Variants in PCSK5 observed in about 807,000 individuals in gnomAD.
PCSK5 encodes the protein proprotein convertase subtilisin/kexin type 5, also known as prohormone convertase 5.
Under a neutral mutation model 233.2 loss-of-function variants are expected in PCSK5, and 129 were observed. That is an observed-to-expected ratio of 0.55 (90% CI 0.48 to 0.64). The LOEUF (loss-of-function observed/expected upper bound fraction) is 0.64, where lower values mean the gene tolerates loss of function less well. PCSK5 is among the 30% of genes least tolerant of loss of function. The pLI is 0.00. For synonymous variants in PCSK5, 825 were observed against 879.2 expected, an observed-to-expected ratio of 0.94 and a Z score of 1.09; for missense variants, 2,076 against 2,430.1, an observed-to-expected ratio of 0.85 and a Z score of 3.06.
intron 35 of PCSK5, among the ~76,000 whole-genome samples, chr9:76,343,142 C>G (rs1185519568): frequency 2.0e-5 from 3 of 149,792 alleles, no homozygotes; most frequent in Non-Finnish European, 3.0e-5. Context: ...TAAAAAACAA[C>G]TCTCTACTGA....
At chr9:76,280,052 TCTCTACCA>T (rs765110180) in intron 24 of PCSK5, among the ~76,000 whole-genome samples, 18 of 152,192 alleles carry the variant, frequency 1.2e-4, no homozygotes, top group Non-Finnish European at 1.9e-4. Context: ...CACAAGCCTG[TCTCTACCA>T]CTCCTCCAAT....
intron 2 of PCSK5, among the ~76,000 whole-genome samples, chr9:75,973,463 A>G (rs1269389394): frequency 6.6e-6 from 1 of 151,866 alleles, no homozygotes; most frequent in Admixed American, 6.6e-5. Flanking sequence ...TTCTTTGACT[A>G]AAAGAGCAGT....
chr9:76,329,819 C>T (rs1829474928), intron 33 of PCSK5, among the ~76,000 whole-genome samples: 2 of 151,950 alleles, frequency 1.3e-5, no homozygotes, highest in African/African-American at 4.8e-5. Flanking sequence ...GGCAACAGAG[C>T]AAGACTCTAT....
chr9:75,958,053 G>A (rs866347713), intron 2 of PCSK5, among the ~76,000 whole-genome samples: 8 of 152,258 alleles, frequency 5.3e-5, no homozygotes, highest in Non-Finnish European at 7.4e-5. Context: ...TGTTCCAGGC[G>A]GTTATTCATT....
chr9:76,229,299 G>A (rs944384644), intron 21 of PCSK5, among the ~76,000 whole-genome samples: 6 of 152,170 alleles, frequency 3.9e-5, no homozygotes, highest in African/African-American at 1.2e-4. Flanking sequence ...TGAACTAGGG[G>A]AATATTTTAA....
chr9:76,044,126 T>C (rs915005404), intron 5 of PCSK5, among the ~76,000 whole-genome samples: 8 of 152,192 alleles, frequency 5.3e-5, no homozygotes, highest in African/African-American at 1.9e-4. Context: ...TTAAGCCTCT[T>C]AAATAGCATA....
chr9:76,111,629 G>T (rs1587642410), intron 9 of PCSK5, among the ~76,000 whole-genome samples: 2 of 151,952 alleles, frequency 1.3e-5, no homozygotes, highest in African/African-American at 2.4e-5. Flanking sequence ...TAAATGAATA[G>T]GGAACATGTA....
intron 20 of PCSK5, chr9:76,194,730 T>A (rs34619779): frequency 2.2e-6 from 1 of 463,496 alleles, no homozygotes; most frequent in Non-Finnish European, 4.5e-6. Context: ...ATCTTATAGA[T>A]CTTTTGACAG....
chr9:76,094,643 G>A (rs1388200321), intron 7 of PCSK5, among the ~76,000 whole-genome samples: 2 of 151,678 alleles, frequency 1.3e-5, no homozygotes, highest in Non-Finnish European at 2.9e-5. Context: ...TCACTCTGTC[G>A]CCCAGCTGGA....
intron 6 of PCSK5, among the ~76,000 whole-genome samples, chr9:76,068,931 A>G (rs1830383839): frequency 6.6e-6 from 1 of 152,196 alleles, no homozygotes; most frequent in Non-Finnish European, 1.5e-5. Context: ...GAACTAAAAA[A>G]TAAAAATGAC....
intron 33 of PCSK5, among the ~76,000 whole-genome samples, chr9:76,331,116 T>C (rs536842952): frequency 1.3e-5 from 2 of 152,232 alleles, no homozygotes; most frequent in South Asian, 4.1e-4. Context: ...TATCCTCACA[T>C]TCTCTCTACC....
Position 75,986,221 on chromosome 9 carries a change from C to T in PCSK5, c.387C>T (p.Pro129=), listed in dbSNP as rs758495716. 2 of 1,610,114 alleles carry T rather than the reference C, an allele frequency of 1.2e-6. No individual in the cohort carries two copies. Among genetic ancestry groups the T allele is most frequent in the Non-Finnish European group, 1.7e-6 (2 of 1,176,336 alleles). ...CCCAGTCTACCTATTTCAATGATCC[C>T]AAGTGGCCCAGCATGTGGTATATGG... The part of the protein sequence containing the change: ...SRAQSTYFND[P]KWPSMWYMHC... Residue 129 remains proline, a synonymous_variant, in exon 3 of 38, where the codon CCC becomes CCT. Transcript: ENST00000674117.
chr9:76,296,855 A>C lies in PCSK5; in HGVS notation c.3513A>C (p.Lys1171Asn). 1.2e-6 allele frequency: 2 copies of C among 1,606,764 alleles called. No homozygotes were observed. Among genetic ancestry groups the C allele is most frequent in the Non-Finnish European group, 1.7e-6 (2 of 1,177,810 alleles). Residue 1171 changes from lysine (K) to asparagine (N), a missense_variant, in exon 27 of 38, where the codon AAA becomes AAC. By Grantham distance (94) the Lys-to-Asn change is moderately conservative. Transcript: ENST00000674117. ...VHATKTQEEG[K>N]FWNEAVSTAN... is the part of the protein sequence containing the mutation. ...CCACCAAGACCCAGGAGGAGGGCAA[A>C]TTCTGGAATGGTATGTGCCCCCCAA...
At chr9:75,931,240 G>A (rs991975478) in intron 1 of PCSK5, among the ~76,000 whole-genome samples, 4 of 143,762 alleles carry the variant, frequency 2.8e-5, no homozygotes, top group African/African-American at 9.9e-5. Flanking sequence ...AATTAACATG[G>A]GCCAAGACTT....
chr9:76,042,062 C>A (rs1006464610), intron 5 of PCSK5, among the ~76,000 whole-genome samples: 5 of 152,224 alleles, frequency 3.3e-5, no homozygotes, highest in Non-Finnish European at 1.5e-5. Context: ...TAGGGTGTTA[C>A]CTTGTGTATT....
intron 2 of PCSK5, among the ~76,000 whole-genome samples, chr9:75,949,533 T>G (rs972990786): frequency 6.6e-6 from 1 of 151,932 alleles, no homozygotes; most frequent in Non-Finnish European, 1.5e-5. Flanking sequence ...AATTTATTAT[T>G]ATTTATTTAT....
chr9:76,205,012 C>T (rs932291237), intron 20 of PCSK5, among the ~76,000 whole-genome samples: 3 of 152,118 alleles, frequency 2.0e-5, no homozygotes, highest in African/African-American at 7.2e-5. Context: ...GCAAAGGGGT[C>T]ATCTCAAAAT....
At chr9:75,993,866 C>A (rs1000878970) in intron 3 of PCSK5, among the ~76,000 whole-genome samples, 2 of 152,212 alleles carry the variant, frequency 1.3e-5, no homozygotes, top group African/African-American at 4.8e-5. Flanking sequence ...TCATTAGAGA[C>A]TCAGTGCCCA....
chr9:76,192,067 C>CTCAAA (rs1824415215), intron 20 of PCSK5, among the ~76,000 whole-genome samples: 6 of 101,228 alleles, frequency 5.9e-5, no homozygotes, highest in African/African-American at 2.4e-4. Flanking sequence ...AAGACTGTCT[C>CTCAAA]AAAAAAAAAA....
Sources: allele counts gnomAD v4.1 joint callset (sites outside exome capture counted in the v4.1 genomes callset), GRCh38; gene constraint gnomAD v4.1.1; transcripts MANE v1.5; gene names NCBI Gene and HGNC (gene_info 2026-07-23, HGNC 2026-07-21).